The following POF1B variants were observed in gnomAD, a reference collection of about 807,000 sequenced individuals.
POF1B encodes protein POF1B.
POF1B carries 53 observed loss-of-function variants against 55.3 expected under a neutral mutation model. The observed-to-expected ratio is 0.96, with a 90% CI of 0.77 to 1.20. The LOEUF is 1.20. Among genes scored for constraint, POF1B ranks in the 50% most tolerant of loss-of-function variants. POF1B has a pLI of 0.00. For missense variants in POF1B, 478 were observed against 420.5 expected (o/e 1.14, Z -1.20); for synonymous variants, 188 against 148.3 (o/e 1.27, Z -1.95).
At chrX:85,297,628 T>C (rs1462479998) in intron 15 of POF1B, among the ~76,000 whole-genome samples, 1 of 111,937 alleles carries the variant, frequency 8.9e-6, no homozygotes, top group Non-Finnish European at 1.9e-5. Flanking sequence ...AGTATTACTC[T>C]GCTCTGTGGC....
At chrX:85,355,771 G>A (rs1481214763) in intron 4 of POF1B, among the ~76,000 whole-genome samples, 2 of 111,616 alleles carry the variant, frequency 1.8e-5, no homozygotes, top group Non-Finnish European at 3.8e-5. Context: ...ACCATCTCAT[G>A]CCAGTTAGAA....
intron 4 of POF1B, among the ~76,000 whole-genome samples, chrX:85,356,044 G>C (rs923927566): frequency 9.0e-6 from 1 of 111,352 alleles, no homozygotes; most frequent in African/African-American, 3.3e-5. Flanking sequence ...CAATAGCAAA[G>C]ACTTGGAACC....
At position 85,303,490 on chromosome X, in the gene POF1B, T is replaced by C; in HGVS notation, c.1567-2A>G. The C allele has an allele frequency of 8.9e-7, 1 of 1,129,210 alleles. No individual in the cohort carries two copies. The highest frequency in any genetic ancestry group is 1.2e-6 in the Non-Finnish European group (1 of 829,461). The allele number at this position is 1,129,210 out of a possible 1,213,427, so 93.1% of individuals were successfully genotyped here. On this transcript the variant is annotated splice_acceptor_variant, in intron 14 of 16. Coordinates refer to ENST00000262753, the MANE Select transcript of POF1B (RefSeq NM_024921.4). LOFTEE classifies it high-confidence loss of function. ...TTCTTGCCGCAACTTGGAGAGTTCC[T>C]TACAAATAAAAGATAATATAATCAT...
At chrX:85,365,403 G>A (rs1261248687) in intron 3 of POF1B, among the ~76,000 whole-genome samples, 1 of 111,799 alleles carries the variant, frequency 8.9e-6, no homozygotes, top group African/African-American at 3.3e-5. Context: ...TTTAACTGCA[G>A]TGTAGGTTGA....
chrX:85,312,372 C>G (rs1303770599), intron 9 of POF1B, among the ~76,000 whole-genome samples: 1 of 111,483 alleles, frequency 9.0e-6, no homozygotes, highest in African/African-American at 3.3e-5. Flanking sequence ...GGAAGGGGTC[C>G]AGTTTCAGTT....
Position 85,308,068 on chromosome X carries a change from T to G in POF1B, c.1050+56A>C, listed in dbSNP as rs1932615346. On this transcript the variant is annotated intron_variant, in intron 10 of 16. Coordinates refer to ENST00000262753, the MANE Select transcript of POF1B (RefSeq NM_024921.4). ...AACATATACTGGACATCTTTATTTC[T>G]GTATTAGGAAGCTAGTAACTAGAAA... is the stretch of plus-strand genomic sequence containing the variant. The G allele has an allele frequency of 3.2e-5, 24 of 740,031 alleles. No individual in the cohort carries two copies. In the South Asian group the frequency reaches 5.0e-4, roughly 15 times the overall value. 61.0% of individuals were successfully genotyped at this position (740,031 alleles called of 1,213,427 possible). A position where few individuals can be genotyped will look rare whatever the true frequency, so the allele number is the denominator to read the frequency against.
At chrX:85,304,209 C>T in intron 14 of POF1B, 134 bp downstream of exon 14, 1 of 661,552 alleles carries the variant, frequency 1.5e-6, no homozygotes, top group East Asian at 4.5e-5. Flanking sequence ...CTCACTTGCA[C>T]CTACATTTTA....
intron 5 of POF1B, among the ~76,000 whole-genome samples, chrX:85,350,485 A>G (rs1392167743): frequency 9.0e-6 from 1 of 110,831 alleles, no homozygotes. Flanking sequence ...TAGTGCTGCA[A>G]TAAACATACG....
At chrX:85,285,944 G>T (rs1251517821) in intron 15 of POF1B, among the ~76,000 whole-genome samples, 1 of 111,550 alleles carries the variant, frequency 9.0e-6, no homozygotes, top group Non-Finnish European at 1.9e-5. Context: ...AATGTTAAAA[G>T]AAGTTTTTAA....
At chrX:85,297,124 T>C (rs182171392) in intron 15 of POF1B, among the ~76,000 whole-genome samples, 47 of 112,108 alleles carry the variant, frequency 4.2e-4, no homozygotes, top group African/African-American at 1.1e-3. Flanking sequence ...CTTTCTACTT[T>C]TGGATAGTTT....
intron 6 of POF1B, among the ~76,000 whole-genome samples, chrX:85,338,737 A>G: frequency 9.0e-6 from 1 of 111,636 alleles, no homozygotes; most frequent in African/African-American, 3.2e-5. Flanking sequence ...AAGAATCATC[A>G]AACTATGACA....
intron 3 of POF1B, among the ~76,000 whole-genome samples, chrX:85,364,841 G>T (rs1192163245): frequency 8.0e-5 from 9 of 112,143 alleles, no homozygotes; most frequent in African/African-American, 2.9e-4. Context: ...CCTCAAATGT[G>T]TTTTCCAAAA....
At chrX:85,365,451 G>T (rs894312178) in intron 3 of POF1B, among the ~76,000 whole-genome samples, 2 of 111,723 alleles carry the variant, frequency 1.8e-5, no homozygotes, top group East Asian at 5.7e-4. Context: ...TGTCTTCACA[G>T]GGCTGAGGTT....
intron 5 of POF1B, among the ~76,000 whole-genome samples, chrX:85,347,739 A>C (rs1933299345): frequency 9.0e-6 from 1 of 111,702 alleles, no homozygotes; most frequent in Non-Finnish European, 1.9e-5. Flanking sequence ...TAAAGGTCAT[A>C]GAATAAGTTC....
chrX:85,322,169 T>C (rs1603045633), intron 7 of POF1B, among the ~76,000 whole-genome samples: 1 of 110,722 alleles, frequency 9.0e-6, no homozygotes, highest in Non-Finnish European at 1.9e-5. Flanking sequence ...AGGCTGGAGG[T>C]ATCATGCTAC....
intron 16 of POF1B, 69 bp from the exon 17 acceptor site, chrX:85,279,495 G>A: frequency 3.8e-6 from 4 of 1,045,981 alleles, no homozygotes; most frequent in Admixed American, 4.9e-5. Flanking sequence ...TATATGCAAA[G>A]TTATGGAAAA....
chrX:85,296,693 C>T (rs981017955), intron 15 of POF1B, among the ~76,000 whole-genome samples: 1 of 111,720 alleles, frequency 9.0e-6, no homozygotes, highest in Non-Finnish European at 1.9e-5. Flanking sequence ...CATTGACCTT[C>T]GTGAATCTGA....
intron 3 of POF1B, among the ~76,000 whole-genome samples, chrX:85,367,197 C>A (rs1933739452): frequency 9.0e-6 from 1 of 111,454 alleles, no homozygotes; most frequent in Non-Finnish European, 1.9e-5. Flanking sequence ...ATTATAGCTA[C>A]CTTTTGGATA....
In POF1B at chrX:85,355,367, C is replaced by T. The variant is rs1055197345; in HGVS notation, c.439-3916G>A. On this transcript the variant is annotated intron_variant, in intron 4 of 16. Coordinates refer to ENST00000262753, the MANE Select transcript of POF1B (RefSeq NM_024921.4). ...AACCATAAAAACCCTAGAAGAAAAC[C>T]TAGGCATTACCATTCAGGACATAGG... 7.2e-5 allele frequency among the ~76,000 whole-genome samples: 8 copies of T among 111,828 alleles called. No homozygotes were observed. The South Asian group carries it at 2.2e-3, about 31-fold the overall frequency.
Sources: allele counts gnomAD v4.1 joint callset (sites outside exome capture counted in the v4.1 genomes callset), GRCh38; gene constraint gnomAD v4.1.1; transcripts MANE v1.5; gene names NCBI Gene and HGNC (gene_info 2026-07-23, HGNC 2026-07-21).